Variants in UBE3D observed in about 807,000 individuals in gnomAD.
UBE3D encodes ubiquitin protein ligase E3D.
In UBE3D, 48 loss-of-function variants were observed where a neutral mutation model predicts 49.6. That is an observed-to-expected ratio of 0.97 (90% CI 0.77 to 1.23). The LOEUF (loss-of-function observed/expected upper bound fraction) is 1.23, where lower values mean the gene tolerates loss of function less well. UBE3D is among the 50% of genes most tolerant of loss of function. The probability of loss-of-function intolerance (pLI) is 0.00; values close to 1 mark genes in which losing one functional copy is unlikely to be tolerated. For missense variants in UBE3D, 452 were observed against 468.4 expected, an observed-to-expected ratio of 0.96 and a Z score of 0.32; for synonymous variants, 189 against 174.2, an observed-to-expected ratio of 1.08 and a Z score of -0.67.
chr6:83,017,104 C>G (rs1164927439), intron 8 of UBE3D: 1 of 152,154 alleles, frequency 6.6e-6, no homozygotes, highest in East Asian at 1.9e-4. Flanking sequence ...TTAACCATCA[C>G]AGCAAATTAG....
At chr6:82,890,654 A>G (rs1770963161), downstream of UBE3D, among the ~76,000 whole-genome samples, 1 of 152,114 alleles carries the variant, frequency 6.6e-6, no homozygotes, top group Non-Finnish European at 1.5e-5. Context: ...CACTCCCCAC[A>G]CTATGCCATC....
chr6:82,881,667 A>G, the UBE3D span, among the ~76,000 whole-genome samples: 1 of 152,094 alleles, frequency 6.6e-6, no homozygotes, highest in South Asian at 2.1e-4. Context: ...TCCTCCTCTG[A>G]AAAAAAGGCC....
chr6:82,889,804 C>G (rs542476838), downstream of UBE3D, among the ~76,000 whole-genome samples: 3 of 151,864 alleles, frequency 2.0e-5, no homozygotes, highest in Non-Finnish European at 4.4e-5. Flanking sequence ...GTACCTGTAA[C>G]TATGCTTGAA....
rs994116742 is a variant in UBE3D, at chr6:83,028,416, C to T, written c.668-4378G>A. On this transcript the variant is annotated intron_variant, in intron 5 of 9. Coordinates refer to ENST00000369747, the MANE Select transcript of UBE3D (RefSeq NM_198920.3). ...AATGTCTAGAACAAGGTGAAATAAA[C>T]AAAGTTCAAGACTTGAAATTCCCTC... 3.3e-5 allele frequency among the ~76,000 whole-genome samples: 5 copies of T among 152,208 alleles called. No homozygotes were observed. The South Asian group carries it at 1.0e-3, about 32-fold the overall frequency.
At chr6:82,966,985 A>G (rs1261250426) in intron 8 of UBE3D, among the ~76,000 whole-genome samples, 1 of 152,162 alleles carries the variant, frequency 6.6e-6, no homozygotes, top group African/African-American at 2.4e-5. Flanking sequence ...GTAGTTCACC[A>G]CCTTAAAAAT....
chr6:82,942,538 G>A (rs1292912188), intron 9 of UBE3D, among the ~76,000 whole-genome samples: 1 of 152,198 alleles, frequency 6.6e-6, no homozygotes, highest in African/African-American at 2.4e-5. Flanking sequence ...AGGAAAAAAT[G>A]GTTTTGTGGG....
chr6:82,886,449 C>T, the UBE3D span, among the ~76,000 whole-genome samples: 1 of 152,188 alleles, frequency 6.6e-6, no homozygotes, highest in Non-Finnish European at 1.5e-5. Flanking sequence ...CTCCACTCAC[C>T]TCCTGCTGTG....
At chr6:83,019,208 A>C (rs1780911653) in intron 7 of UBE3D, 72 bp from the exon 8 acceptor site, 1 of 1,370,084 alleles carries the variant, frequency 7.3e-7, no homozygotes. Context: ...CTTTTCAAAA[A>C]CAAAAAAGAG....
intron 9 of UBE3D, among the ~76,000 whole-genome samples, chr6:82,927,767 T>A (rs959951592): frequency 2.8e-5 from 4 of 142,100 alleles, no homozygotes; most frequent in East Asian, 4.2e-4. Context: ...TTTTTTTTTT[T>A]AATTCTTCAG....
At chr6:82,970,550 G>C (rs890105936) in intron 8 of UBE3D, among the ~76,000 whole-genome samples, 27 of 152,192 alleles carry the variant, frequency 1.8e-4, no homozygotes, top group African/African-American at 6.3e-4. Context: ...TTAAAACTAG[G>C]GACTCTGGGC....
intron 5 of UBE3D, among the ~76,000 whole-genome samples, chr6:83,029,827 AT>A (rs1235962296): frequency 4.0e-5 from 6 of 151,486 alleles, no homozygotes; most frequent in Non-Finnish European, 8.8e-5. Context: ...CTCAGTTTTA[AT>A]TTTTTTTTAG....
At chr6:82,887,389 G>GTTTTTGTTTTGTT in the UBE3D span, among the ~76,000 whole-genome samples, 66 of 98,322 alleles carry the variant, frequency 6.7e-4, no homozygotes, top group African/African-American at 3.4e-3. Flanking sequence ...GACAGTAACA[G>GTTTTTGTTTTGTT]TTTTTTTTTT....
intron 5 of UBE3D, among the ~76,000 whole-genome samples, chr6:83,035,474 C>T (rs774862735): frequency 5.3e-5 from 8 of 152,156 alleles, no homozygotes; most frequent in Non-Finnish European, 8.8e-5. Flanking sequence ...ACTGATAGCT[C>T]GACTGTGTAT....
intron 8 of UBE3D, among the ~76,000 whole-genome samples, chr6:82,996,873 A>G (rs2480091): frequency 0.7 from 106,333 of 152,100 alleles, 37,610 homozygotes; most frequent in East Asian, 0.82. Flanking sequence ...TGGTATCATG[A>G]ATTGGATCCT....
intron 8 of UBE3D, among the ~76,000 whole-genome samples, chr6:83,002,495 G>A (rs1197876352): frequency 6.6e-6 from 1 of 152,132 alleles, no homozygotes; most frequent in Non-Finnish European, 1.5e-5. Context: ...GACCAACCTG[G>A]CCAACCTGAT....
intron 9 of UBE3D, among the ~76,000 whole-genome samples, chr6:82,933,052 C>A (rs1774287308): frequency 6.6e-6 from 1 of 151,994 alleles, no homozygotes; most frequent in Non-Finnish European, 1.5e-5. Context: ...ATTCCTGCCA[C>A]CTGACCAAGC....
Position 83,019,045 on chromosome 6 carries a change from T to C in UBE3D, c.938A>G (p.Lys313Arg), listed in dbSNP as rs754416706. The change falls in exon 8 of 10, where the codon AAA becomes AGA. Residue 313 changes from lysine to arginine, a missense_variant. By Grantham distance (26) the Lys-to-Arg change is conservative. Coordinates refer to ENST00000369747, the MANE Select transcript of UBE3D (RefSeq NM_198920.3). ...ACTCCAGGCAGAACTAGAATCGGCT[T>C]TGAATGTGTTTTCCAACAAGGGGAA... Reference protein sequence around the residue: ...KKFPLLENTFKADSSSAWSAV... With the variant: ...KKFPLLENTFRADSSSAWSAV... 1 of 1,614,008 alleles carries C rather than the reference T, an allele frequency of 6.2e-7. No individual in the cohort carries two copies. The highest frequency in any genetic ancestry group is 8.5e-7 in the Non-Finnish European group (1 of 1,179,940).
chr6:83,026,311 C>G (rs999339465), intron 5 of UBE3D, among the ~76,000 whole-genome samples: 1 of 151,890 alleles, frequency 6.6e-6, no homozygotes, highest in Admixed American at 6.6e-5. Flanking sequence ...ATTAGCCAGG[C>G]AGAGTGGCAT....
chr6:82,919,528 G>A (rs569150176), intron 9 of UBE3D, among the ~76,000 whole-genome samples: 4 of 151,890 alleles, frequency 2.6e-5, no homozygotes, highest in African/African-American at 7.2e-5. Flanking sequence ...CCCAGGAGGT[G>A]GAGCTTGCAG....
Sources: allele counts gnomAD v4.1 joint callset (sites outside exome capture counted in the v4.1 genomes callset), GRCh38; gene constraint gnomAD v4.1.1; transcripts MANE v1.5; gene names NCBI Gene and HGNC (gene_info 2026-07-23, HGNC 2026-07-21).